The following C16orf74 variants were observed in gnomAD, a reference collection of about 807,000 sequenced individuals.
C16orf74 encodes uncharacterized protein C16orf74.
C16orf74 carries 10 observed loss-of-function variants against 6.5 expected under a neutral mutation model. That is an observed-to-expected ratio of 1.54 (90% CI 0.95 to 2.61). The LOEUF (loss-of-function observed/expected upper bound fraction) is 2.61. Among genes scored for constraint, C16orf74 ranks in the 30% most tolerant of loss-of-function variants. The pLI, the probability that C16orf74 is intolerant of heterozygous loss-of-function variation, is 0.00. For missense variants in C16orf74, 141 were observed against 105.9 expected, an observed-to-expected ratio of 1.33 and a Z score of -1.45; for synonymous variants, 60 against 42.5, an observed-to-expected ratio of 1.41 and a Z score of -1.60.
intron 3 of C16orf74, among the ~76,000 whole-genome samples, chr16:85,708,382 G>T (rs775481116): frequency 5.3e-5 from 8 of 152,188 alleles, no homozygotes; most frequent in Non-Finnish European, 1.2e-4. Flanking sequence ...CCATTTTATA[G>T]GTGAGGACAC....
At chr16:85,732,921 C>T (rs2054205422) in intron 2 of C16orf74, among the ~76,000 whole-genome samples, 2 of 152,144 alleles carry the variant, frequency 1.3e-5, no homozygotes, top group Non-Finnish European at 2.9e-5. Flanking sequence ...AAGCTCCCAG[C>T]CCCACGAGCC....
chr16:85,734,470 G>A (rs2054222873), intron 2 of C16orf74, among the ~76,000 whole-genome samples: 1 of 152,066 alleles, frequency 6.6e-6, no homozygotes, highest in Admixed American at 6.5e-5. Flanking sequence ...TGGCCCCGGG[G>A]CAGGCTAGAA....
chr16:85,742,099 G>C (rs557709520), intron 1 of C16orf74, among the ~76,000 whole-genome samples: 3 of 152,184 alleles, frequency 2.0e-5, no homozygotes, highest in South Asian at 4.1e-4. Flanking sequence ...GTGGCTGGGC[G>C]TGGTGGCTCA....
intron 1 of C16orf74, among the ~76,000 whole-genome samples, chr16:85,746,258 G>A (rs1260742065): frequency 6.6e-6 from 1 of 152,202 alleles, no homozygotes; most frequent in South Asian, 2.1e-4. Flanking sequence ...GCCGAGGCAG[G>A]AGAATCGCTT....
chr16:85,745,422 C>T (rs534059948), intron 1 of C16orf74, among the ~76,000 whole-genome samples: 2 of 152,348 alleles, frequency 1.3e-5, no homozygotes, highest in Admixed American at 1.3e-4. Flanking sequence ...TACCAGCTCA[C>T]AACAGACTGC....
intron 2 of C16orf74, among the ~76,000 whole-genome samples, chr16:85,718,916 C>T (rs1261065214): frequency 6.6e-6 from 1 of 152,234 alleles, no homozygotes; most frequent in African/African-American, 2.4e-5. Flanking sequence ...GGGGACTTGT[C>T]GCCCCCTTGC....
chr16:85,707,643 G>A lies in C16orf74; in HGVS notation c.*365C>T, dbSNP rs541182310. 4.2e-6 allele frequency: 1 copy of A among 240,832 alleles called. No homozygotes were observed. The highest frequency in any genetic ancestry group is 8.3e-5 in the East Asian group (1 of 12,098). 14.9% of individuals were successfully genotyped at this position (240,832 alleles called of 1,614,324 possible). A position where few individuals can be genotyped will look rare whatever the true frequency, so the allele number is the denominator to read the frequency against. On this transcript the variant is annotated 3_prime_UTR_variant, in exon 4 of 4. Coordinates refer to ENST00000284245, the MANE Select transcript of C16orf74 (RefSeq NM_206967.3). ...CCACCTGCAAGAAGTTCTTGTTGGT[G>A]CTTATGGCAGGGGCATGTGTTTGCA...
intron 2 of C16orf74, among the ~76,000 whole-genome samples, chr16:85,718,281 G>A (rs1310730487): frequency 6.6e-6 from 1 of 152,066 alleles, no homozygotes; most frequent in East Asian, 1.9e-4. Context: ...CATTATATTG[G>A]TCTTGAACTC....
chr16:85,715,744 G>C (rs1175629845), intron 2 of C16orf74, among the ~76,000 whole-genome samples: 1 of 152,212 alleles, frequency 6.6e-6, no homozygotes, highest in East Asian at 1.9e-4. Context: ...ATAACATCCA[G>C]GACTGGCTGC....
At chr16:85,750,088 T>C (rs2152068081) in intron 1 of C16orf74, among the ~76,000 whole-genome samples, 1 of 152,322 alleles carries the variant, frequency 6.6e-6, no homozygotes, top group Non-Finnish European at 1.5e-5. Flanking sequence ...ACTCAGGGTA[T>C]CCCTCTCAGA....
At position 85,735,141 on chromosome 16, in the gene C16orf74, G is replaced by A. The variant is rs146140374; in HGVS notation, c.28+49C>T. 2.0e-5 allele frequency: 32 copies of A among 1,561,786 alleles called. No individual in the cohort carries two copies. The African/African-American group carries it at 4.1e-4, about 20-fold the overall frequency. On this transcript the variant is annotated intron_variant, in intron 2 of 3. Transcript: ENST00000284245. ...CCCCTCTCTCCTGCCCCCCAACCCA[G>A]CACCCCCTCTGCCATGAGAGCTGGT... is the stretch of plus-strand genomic sequence containing the variant.
intron 1 of C16orf74, among the ~76,000 whole-genome samples, chr16:85,739,541 T>G (rs974913729): frequency 6.6e-6 from 1 of 152,236 alleles, no homozygotes; most frequent in Non-Finnish European, 1.5e-5. Context: ...TGCTGTTTAC[T>G]GTTGAGACTG....
chr16:85,731,113 C>A (rs754140874), intron 2 of C16orf74, among the ~76,000 whole-genome samples: 39 of 152,296 alleles, frequency 2.6e-4, no homozygotes, highest in Non-Finnish European at 5.0e-4. Flanking sequence ...TATGATTCTT[C>A]AAGTCCTCTC....
At chr16:85,714,952 C>T (rs905760747) in intron 2 of C16orf74, among the ~76,000 whole-genome samples, 3 of 151,020 alleles carry the variant, frequency 2.0e-5, no homozygotes, top group Non-Finnish European at 4.4e-5. Flanking sequence ...GTCAGGAGAT[C>T]GAGACCATCC....
rs1052599907 is a variant in C16orf74, at chr16:85,707,724, C to T, written c.*284G>A. Reference sequence around the variant, plus strand: ...CCAGAAGAGAGCCTCTCCCTGGGACCCCAACAGCCAGGACCATGGCGCTCC... The same window carrying T: ...CCAGAAGAGAGCCTCTCCCTGGGACTCCAACAGCCAGGACCATGGCGCTCC... On this transcript the variant is annotated 3_prime_UTR_variant, in exon 4 of 4. Coordinates refer to ENST00000284245, the MANE Select transcript of C16orf74 (RefSeq NM_206967.3). 8 of 451,460 alleles carry T rather than the reference C, an allele frequency of 1.8e-5. No homozygotes were observed. The highest frequency in any genetic ancestry group is 4.0e-5 in the Admixed American group (1 of 25,078). The allele number at this position is 451,460 out of a possible 1,614,324, so 28.0% of individuals were successfully genotyped here.
intron 2 of C16orf74, among the ~76,000 whole-genome samples, chr16:85,713,561 C>G (rs767528551): frequency 2.0e-5 from 3 of 152,206 alleles, no homozygotes; most frequent in Non-Finnish European, 4.4e-5. Context: ...GCATGAGCCA[C>G]AGCGCCCAGC....
chr16:85,737,935 T>A (rs1364659265), intron 1 of C16orf74, among the ~76,000 whole-genome samples: 5 of 151,118 alleles, frequency 3.3e-5, no homozygotes, highest in African/African-American at 9.7e-5. Flanking sequence ...GTAAATTTTC[T>A]TAAAACATTA....
At chr16:85,718,767 T>C (rs1347382643) in intron 2 of C16orf74, among the ~76,000 whole-genome samples, 3 of 152,194 alleles carry the variant, frequency 2.0e-5, no homozygotes, top group Admixed American at 1.3e-4. Flanking sequence ...AGATCACGAG[T>C]TGATGCTAAG....
At chr16:85,738,176 T>A (rs2054265156) in intron 1 of C16orf74, among the ~76,000 whole-genome samples, 1 of 151,632 alleles carries the variant, frequency 6.6e-6, no homozygotes, top group Non-Finnish European at 1.5e-5. Context: ...GCCCAGGAGG[T>A]TGAGACTGCA....
Sources: allele counts gnomAD v4.1 joint callset (sites outside exome capture counted in the v4.1 genomes callset), GRCh38; gene constraint gnomAD v4.1.1; transcripts MANE v1.5; gene names NCBI Gene and HGNC (gene_info 2026-07-23, HGNC 2026-07-21).